Variants in GPR107 observed in about 807,000 individuals in gnomAD.
The protein encoded by GPR107 is protein GPR107.
A neutral mutation model predicts 75.5 loss-of-function variants in GPR107; 31 were observed. The ratio of observed to expected loss-of-function variants is 0.41; its 90% confidence interval spans 0.31 to 0.55. GPR107 has a LOEUF of 0.55. Among genes scored for constraint, GPR107 ranks in the 20% least tolerant of loss-of-function variants. GPR107 has a pLI of 0.26. For synonymous variants in GPR107, 267 were observed against 251.3 expected, an observed-to-expected ratio of 1.06 and a Z score of -0.59; for missense variants, 572 against 665.7, an observed-to-expected ratio of 0.86 and a Z score of 1.55.
Position 130,053,937 on chromosome 9 carries a change from C to T in GPR107, c.5C>T (p.Ala2Val), listed in dbSNP as rs750594235. 8.3e-6 allele frequency: 13 copies of T among 1,557,488 alleles called. No individual in the cohort carries two copies. Among genetic ancestry groups the T allele is most frequent in the Non-Finnish European group, 1.1e-5 (13 of 1,152,530 alleles). ...GCTGGTGATGCTGGAACAAACATGG[C>T]CGCTCTGGCGCCCGTCGGCTCCCCC... M[A>V]ALAPVGSPAS... The change falls in exon 1 of 18, where the codon GCC becomes GTC. Residue 2 changes from alanine (A) to valine (V), a missense_variant. Ala to Val is a moderately conservative substitution (Grantham distance 64). Transcript: ENST00000347136.
chr9:130,080,471 G>A (rs1429203020), intron 5 of GPR107, among the ~76,000 whole-genome samples: 2 of 146,604 alleles, frequency 1.4e-5, no homozygotes, highest in Non-Finnish European at 3.0e-5. Context: ...AGGTATTCCT[G>A]TTTATTTATT....
At chr9:130,104,618 A>G in intron 13 of GPR107, 68 bp downstream of exon 13, 1 of 1,337,218 alleles carries the variant, frequency 7.5e-7, no homozygotes, top group South Asian at 1.2e-5. Context: ...TGAACTGGCC[A>G]TTCCCAAACT....
intron 11 of GPR107, 27 bp from the exon 12 acceptor site, chr9:130,101,079 G>A (rs1173182497): frequency 8.2e-7 from 1 of 1,223,654 alleles, no homozygotes; most frequent in South Asian, 1.2e-5. Flanking sequence ...AGACCTGCTG[G>A]TGTCTGTTCC....
intron 7 of GPR107, among the ~76,000 whole-genome samples, chr9:130,087,657 GCCAGGTGTGATGGCATGTGCCTCTAGTC>G (rs1830645271): frequency 6.6e-6 from 1 of 151,864 alleles, no homozygotes; most frequent in Non-Finnish European, 1.5e-5. Flanking sequence ...ACAAAAAGTA[GCCAGGTGTGATGGCATGTGCCTCTAGTC>G]CCAGCTACTA....
chr9:130,134,932 C>G (rs1554899696), intron 17 of GPR107, 93 bp from the exon 18 acceptor site: 1 of 753,374 alleles, frequency 1.3e-6, no homozygotes, highest in African/African-American at 1.7e-5. Flanking sequence ...AACCAACACC[C>G]ATCATCAGTC....
intron 14 of GPR107, among the ~76,000 whole-genome samples, chr9:130,116,201 T>C (rs1227390121): frequency 2.0e-5 from 3 of 152,152 alleles, no homozygotes; most frequent in African/African-American, 7.2e-5. Flanking sequence ...AATCTAGAAC[T>C]TCAGGGGGCC....
At chr9:130,082,554 A>C (rs1402026682) in intron 5 of GPR107, among the ~76,000 whole-genome samples, 1 of 143,714 alleles carries the variant, frequency 7.0e-6, no homozygotes, top group African/African-American at 2.6e-5. Context: ...ATCTCGGCTC[A>C]CTGCAAGCTC....
intron 13 of GPR107, among the ~76,000 whole-genome samples, chr9:130,106,384 G>T (rs1240626642): frequency 2.0e-5 from 3 of 151,950 alleles, no homozygotes; most frequent in Non-Finnish European, 4.4e-5. Context: ...GGATCACGAG[G>T]TCAAGAGATC....
At chr9:130,121,879 T>C (rs749386415) in intron 14 of GPR107, among the ~76,000 whole-genome samples, 9 of 150,848 alleles carry the variant, frequency 6.0e-5, no homozygotes, top group African/African-American at 9.7e-5. Flanking sequence ...GAGAGACTTA[T>C]TTATTTTTAT....
intron 17 of GPR107, among the ~76,000 whole-genome samples, chr9:130,134,160 G>A (rs782141334): frequency 2.5e-4 from 38 of 152,280 alleles, no homozygotes; most frequent in South Asian, 8.3e-4. Flanking sequence ...TGGGCCAAGC[G>A]GCTTTTGACA....
At chr9:130,087,403 C>T (rs1830639619) in intron 7 of GPR107, among the ~76,000 whole-genome samples, 1 of 152,108 alleles carries the variant, frequency 6.6e-6, no homozygotes, top group Non-Finnish European at 1.5e-5. Flanking sequence ...CGTGGTGGCT[C>T]ACGCCTGTTA....
In GPR107 at chr9:130,103,581, A is replaced by G. The variant is rs117560649; in HGVS notation, c.1132-839A>G. Reference sequence around the variant, plus strand: ...AGTACAGAGCTTAATAGTGGGCCTGAGTATATGAGGCTGTAGGGCTGGAAT... The same window carrying G: ...AGTACAGAGCTTAATAGTGGGCCTGGGTATATGAGGCTGTAGGGCTGGAAT... On this transcript the variant is annotated intron_variant, in intron 12 of 17. Coordinates refer to ENST00000347136, the MANE Select transcript of GPR107 (RefSeq NM_020960.5). This position sits in a 1 kb window ranked among gnomAD's most constrained non-coding sequence, Gnocchi z 4.3. 2.3e-3 allele frequency among the ~76,000 whole-genome samples: 352 copies of G among 152,292 alleles called. 9 individuals are homozygous for G. The East Asian group carries it at 0.055, about 24-fold the overall frequency.
chr9:130,120,444 T>C (rs1831521430), intron 14 of GPR107, among the ~76,000 whole-genome samples: 1 of 152,208 alleles, frequency 6.6e-6, no homozygotes, highest in Admixed American at 6.5e-5. Context: ...AGACCTGCAG[T>C]GCCTTAACCT....
At chr9:130,132,251 T>A (rs1554899188) in intron 17 of GPR107, among the ~76,000 whole-genome samples, 1 of 152,166 alleles carries the variant, frequency 6.6e-6, no homozygotes, top group Non-Finnish European at 1.5e-5. Context: ...GTTTTTGCAG[T>A]GCCAGTTTCC....
In GPR107 at chr9:130,068,488, A is replaced by C. The variant is rs1424120018; in HGVS notation, c.142-7148A>C. On this transcript the variant is annotated intron_variant, in intron 1 of 17. Transcript: ENST00000347136. ...CATGTATAACATGTGGGTTAATATA[A>C]GTCTGTAGACCCCCAGTTGGTGAGG... Among the ~76,000 whole-genome samples the C allele has an allele frequency of 2.6e-5, 4 of 152,168 alleles. No homozygotes were observed. In the East Asian group the frequency reaches 5.8e-4, roughly 22 times the overall value.
chr9:130,058,123 C>T (rs976848417), intron 1 of GPR107, among the ~76,000 whole-genome samples: 1 of 152,166 alleles, frequency 6.6e-6, no homozygotes, highest in East Asian at 1.9e-4. Flanking sequence ...GCCACCGCTC[C>T]TGGCTATTTA....
intron 9 of GPR107, among the ~76,000 whole-genome samples, chr9:130,094,049 G>A (rs548849096): frequency 1.7e-4 from 26 of 151,844 alleles, no homozygotes; most frequent in Admixed American, 1.1e-3. Flanking sequence ...TGCTGACCTC[G>A]GGTAATTTAC....
chr9:130,111,471 A>G (rs915425791), intron 14 of GPR107, among the ~76,000 whole-genome samples: 1 of 152,130 alleles, frequency 6.6e-6, no homozygotes, highest in African/African-American at 2.4e-5. Flanking sequence ...GATCAAGGCT[A>G]CAGTGAGCTG....
At chr9:130,065,529 G>A (rs576657551) in intron 1 of GPR107, among the ~76,000 whole-genome samples, 1 of 152,008 alleles carries the variant, frequency 6.6e-6, no homozygotes, top group African/African-American at 2.4e-5. Context: ...ACTTAGGGAG[G>A]CCGCAACGGG....
Sources: gnomAD v4.1 joint callset for allele counts (sites outside exome capture counted in the v4.1 genomes callset) on GRCh38, gnomAD v4.1.1 for gene constraint, Gnocchi (gnomAD v3.1) non-coding constraint, MANE v1.5 for transcripts, NCBI Gene and HGNC (gene_info 2026-07-23, HGNC 2026-07-21) for gene names.